DACH2: variants seen among roughly 807,000 people sequenced by gnomAD.
The protein encoded by DACH2 is dachshund family transcription factor 2, also known as dachshund homolog 2.
DACH2 carries 17 observed loss-of-function variants against 35.8 expected under a neutral mutation model. The ratio of observed to expected loss-of-function variants is 0.48; its 90% confidence interval spans 0.33 to 0.71. The LOEUF (loss-of-function observed/expected upper bound fraction) is 0.71. Among genes scored for constraint, DACH2 ranks in the 30% least tolerant of loss-of-function variants. DACH2 has a pLI of 0.02. For missense variants in DACH2, 469 were observed against 472.7 expected (o/e 0.99, Z 0.07); for synonymous variants, 195 against 177.3 (o/e 1.10, Z -0.79).
chrX:86,298,101 G>A (rs962914388), intron 1 of DACH2, among the ~76,000 whole-genome samples: 5 of 111,847 alleles, frequency 4.5e-5, no homozygotes, highest in African/African-American at 6.5e-5. Context: ...AGGATATAAT[G>A]TGGTTCCTGA....
At chrX:86,615,950 C>A (rs1282688096) in intron 3 of DACH2, among the ~76,000 whole-genome samples, 3 of 110,567 alleles carry the variant, frequency 2.7e-5, no homozygotes, top group Non-Finnish European at 5.7e-5. Flanking sequence ...AACTAGGCCA[C>A]AGTGTCTGTT....
At chrX:86,400,147 A>T (rs182062565) in intron 2 of DACH2, among the ~76,000 whole-genome samples, 44 of 111,434 alleles carry the variant, frequency 3.9e-4, no homozygotes, top group African/African-American at 1.4e-3. Context: ...TCCATCACTG[A>T]TACCCTTTCT....
intron 7 of DACH2, among the ~76,000 whole-genome samples, chrX:86,795,529 G>A (rs1004702570): frequency 8.9e-6 from 1 of 112,152 alleles, no homozygotes; most frequent in Non-Finnish European, 1.9e-5. Context: ...CACCGCGCCC[G>A]GCCGCATGTT....
At chrX:86,728,279 A>G (rs2041493658) in intron 6 of DACH2, among the ~76,000 whole-genome samples, 1 of 112,259 alleles carries the variant, frequency 8.9e-6, no homozygotes, top group Admixed American at 9.4e-5. Flanking sequence ...CTAAGCATCA[A>G]AGTGTTCAAG....
chrX:86,672,159 C>T lies in DACH2; in HGVS notation c.772+20992C>T, dbSNP rs1297615141. Among the ~76,000 whole-genome samples the T allele has an allele frequency of 2.7e-5, 3 of 111,919 alleles. No individual in the cohort carries two copies. In the East Asian group the frequency reaches 8.4e-4, roughly 31 times the overall value. ...CATTCAAGAATTAGCCTAGCTGCTTCCATCAGCCTATGCTCATATGTGTGA... is the reference window on the plus strand; with the variant it reads ...CATTCAAGAATTAGCCTAGCTGCTTTCATCAGCCTATGCTCATATGTGTGA... On this transcript the variant is annotated intron_variant, in intron 4 of 11. Transcript: ENST00000373125.
intron 1 of DACH2, among the ~76,000 whole-genome samples, chrX:86,374,718 GA>G (rs1339688720): frequency 9.0e-6 from 1 of 110,859 alleles, no homozygotes; most frequent in Non-Finnish European, 1.9e-5. Flanking sequence ...TTCACAGCCA[GA>G]ATCAGAAGTG....
intron 2 of DACH2, among the ~76,000 whole-genome samples, chrX:86,408,699 C>T (rs1267653504): frequency 9.0e-6 from 1 of 111,449 alleles, no homozygotes. Context: ...GGGAGAAGCT[C>T]TCTTTCTCGG....
intron 7 of DACH2, among the ~76,000 whole-genome samples, chrX:86,756,050 G>A (rs188194794): frequency 7.1e-4 from 79 of 110,988 alleles, no homozygotes; most frequent in African/African-American, 2.6e-3. Flanking sequence ...GGCTATAAAT[G>A]GGTGGATTTA....
At chrX:86,525,997 T>A (rs2038626441) in intron 3 of DACH2, among the ~76,000 whole-genome samples, 1 of 111,919 alleles carries the variant, frequency 8.9e-6, no homozygotes, top group African/African-American at 3.2e-5. Context: ...CGAGCTTTTG[T>A]TTTCCAGGGC....
chrX:86,621,019 G>C (rs1488194246), intron 3 of DACH2, among the ~76,000 whole-genome samples: 3 of 111,252 alleles, frequency 2.7e-5, no homozygotes, highest in Non-Finnish European at 5.7e-5. Context: ...GTTAAGAAAA[G>C]ACTACTACTT....
chrX:86,425,716 G>T (rs2036882655), intron 2 of DACH2, among the ~76,000 whole-genome samples: 1 of 110,553 alleles, frequency 9.0e-6, no homozygotes, highest in African/African-American at 3.3e-5. Context: ...AGGGTGTAGG[G>T]CAAAAGGATC....
At chrX:86,655,334 G>A (rs971693306) in intron 4 of DACH2, among the ~76,000 whole-genome samples, 1 of 111,969 alleles carries the variant, frequency 8.9e-6, no homozygotes, top group Non-Finnish European at 1.9e-5. Context: ...AGTTGAGTGG[G>A]CTGTGAGGTA....
chrX:86,769,371 C>T (rs1280657254), intron 7 of DACH2, among the ~76,000 whole-genome samples: 3 of 109,944 alleles, frequency 2.7e-5, no homozygotes, highest in African/African-American at 1.0e-4. Context: ...CTACCTAAAG[C>T]AATCTACACA....
At chrX:86,450,372 C>A (rs945344841) in intron 2 of DACH2, among the ~76,000 whole-genome samples, 10 of 111,303 alleles carry the variant, frequency 9.0e-5, no homozygotes, top group African/African-American at 2.9e-4. Context: ...TGGCTTCCAA[C>A]TCCATCCATG....
At chrX:86,667,837 G>T (rs1192402702) in intron 4 of DACH2, among the ~76,000 whole-genome samples, 2 of 111,749 alleles carry the variant, frequency 1.8e-5, no homozygotes, top group Non-Finnish European at 3.8e-5. Flanking sequence ...CTATGAACAG[G>T]AACACTTTAA....
In DACH2 at chrX:86,532,484, C is replaced by G. The variant is rs908545090; in HGVS notation, c.640+18093C>G. ...GAGCTGATGGTTTTGAAGTATAGCT[C>G]TCTCTCTCTCTCTCTCTCTCTTTCT... On this transcript the variant is annotated intron_variant, in intron 3 of 11. Coordinates refer to ENST00000373125, the MANE Select transcript of DACH2 (RefSeq NM_053281.3). Among the ~76,000 whole-genome samples the G allele has an allele frequency of 2.8e-5, 3 of 106,696 alleles. No homozygotes were observed. The Admixed American group carries it at 3.0e-4, about 11-fold the overall frequency. The allele number at this position is 106,696 out of a possible 115,157, so 92.7% of individuals were successfully genotyped here. A position where few individuals can be genotyped will look rare whatever the true frequency, so the allele number is the denominator to read the frequency against.
chrX:86,707,932 T>TAAAAAAAAAAAAAAAAAAAAAAAAAAA (rs2041237438), intron 5 of DACH2, among the ~76,000 whole-genome samples: 4 of 24,367 alleles, frequency 1.6e-4, no homozygotes, highest in South Asian at 8.9e-4. Context: ...AAAAAAAAAT[T>TAAAAAAAAAAAAAAAAAAAAAAAAAAA]ACACACCATG....
chrX:86,170,551 A>G (rs900244529), intron 1 of DACH2, among the ~76,000 whole-genome samples: 2 of 111,709 alleles, frequency 1.8e-5, no homozygotes, highest in African/African-American at 3.3e-5. Context: ...CTGGCCCTCA[A>G]ATCACAAGAC....
chrX:86,306,942 A>C (rs990373047), intron 1 of DACH2, among the ~76,000 whole-genome samples: 2 of 111,487 alleles, frequency 1.8e-5, no homozygotes, highest in African/African-American at 6.5e-5. Context: ...GAGTAGACCC[A>C]AAAATGCTAA....
Sources: allele counts gnomAD v4.1 joint callset (sites outside exome capture counted in the v4.1 genomes callset), GRCh38; gene constraint gnomAD v4.1.1; transcripts MANE v1.5; gene names NCBI Gene and HGNC (gene_info 2026-07-23, HGNC 2026-07-21).